Variants in CDH18 observed in about 807,000 individuals in gnomAD.
CDH18 encodes cadherin-18.
In CDH18, 31 loss-of-function variants were observed where a neutral mutation model predicts 67.9. The observed-to-expected ratio is 0.46, with a 90% CI of 0.34 to 0.62. The LOEUF (loss-of-function observed/expected upper bound fraction) is 0.62, where lower values mean the gene tolerates loss of function less well. Among genes scored for constraint, CDH18 ranks in the 20% least tolerant of loss-of-function variants. The probability of loss-of-function intolerance (pLI) is 0.01; values close to 1 mark genes in which losing one functional copy is unlikely to be tolerated. For missense variants in CDH18, 890 were observed against 975.5 expected (o/e 0.91, Z 1.17); for synonymous variants, 362 against 347.2 (o/e 1.04, Z -0.48).
chr5:19,824,593 G>C (rs1209433258), intron 3 of CDH18, among the ~76,000 whole-genome samples: 1 of 152,164 alleles, frequency 6.6e-6, no homozygotes, highest in Non-Finnish European at 1.5e-5. Context: ...GGGTCCCAAA[G>C]CAGATGAGCA....
At chr5:20,385,289 C>A (rs1295905742) in intron 1 of CDH18, among the ~76,000 whole-genome samples, 1 of 152,146 alleles carries the variant, frequency 6.6e-6, no homozygotes, top group East Asian at 1.9e-4. Context: ...TGGACAAACT[C>A]TTTAGAGAGA....
chr5:19,480,101 G>GCAA, intron 12 of CDH18, among the ~76,000 whole-genome samples: 1 of 151,998 alleles, frequency 6.6e-6, no homozygotes, highest in South Asian at 2.1e-4. Context: ...AAAATTTGAA[G>GCAA]ATAACATGCT....
intron 2 of CDH18, among the ~76,000 whole-genome samples, chr5:20,012,372 C>A (rs1425137808): frequency 1.0e-3 from 119 of 115,984 alleles, no homozygotes; most frequent in Admixed American, 1.7e-3. Flanking sequence ...TTATCTTGTT[C>A]AAAAAAAAAA....
At chr5:20,457,735 C>T (rs1460751047) in intron 1 of CDH18, among the ~76,000 whole-genome samples, 1 of 152,094 alleles carries the variant, frequency 6.6e-6, no homozygotes, top group Non-Finnish European at 1.5e-5. Flanking sequence ...TTACTATAAA[C>T]AATGCCTTAA....
intron 1 of CDH18, among the ~76,000 whole-genome samples, chr5:20,348,509 A>G (rs1392765181): frequency 1.3e-5 from 2 of 152,162 alleles, no homozygotes; most frequent in African/African-American, 4.8e-5. Flanking sequence ...TGTGGAGGAA[A>G]ATAATTTGTT....
At chr5:19,823,180 C>G (rs1027883147) in intron 3 of CDH18, among the ~76,000 whole-genome samples, 1 of 151,990 alleles carries the variant, frequency 6.6e-6, no homozygotes, top group Non-Finnish European at 1.5e-5. Context: ...TGTTCAAACA[C>G]ACATGCTCTA....
At position 19,907,233 on chromosome 5, in the gene CDH18, T is replaced by C. The variant is rs1293657316; in HGVS notation, c.-256-67991A>G. Among the ~76,000 whole-genome samples, 11 of 152,038 alleles carry C rather than the reference T, an allele frequency of 7.2e-5. No individual in the cohort carries two copies. The East Asian group carries it at 2.1e-3, about 29-fold the overall frequency. On this transcript the variant is annotated intron_variant, in intron 2 of 12. Coordinates refer to ENST00000382275, the MANE Select transcript of CDH18 (RefSeq NM_004934.5). ...TGTCTATCAAACCCGTGTCTGTAGA[T>C]TGACAAACAATACACTTTGCACTTG...
intron 1 of CDH18, among the ~76,000 whole-genome samples, chr5:20,449,130 C>G (rs541240062): frequency 6.6e-6 from 1 of 152,234 alleles, no homozygotes; most frequent in South Asian, 2.1e-4. Context: ...TTGGAACTTA[C>G]ATCAACTTAG....
chr5:20,023,676 A>C (rs1313728595), intron 2 of CDH18, among the ~76,000 whole-genome samples: 1 of 151,848 alleles, frequency 6.6e-6, no homozygotes. Context: ...AAAAAAAAAA[A>C]AAGAAAGGTA....
At chr5:19,784,813 T>C (rs1775522305) in intron 3 of CDH18, among the ~76,000 whole-genome samples, 3 of 152,164 alleles carry the variant, frequency 2.0e-5, no homozygotes, top group Non-Finnish European at 4.4e-5. Flanking sequence ...TTACCATCTA[T>C]TCTCTATGAA....
chr5:19,540,944 C>G (rs756122527), intron 9 of CDH18, among the ~76,000 whole-genome samples: 1 of 152,102 alleles, frequency 6.6e-6, no homozygotes, highest in East Asian at 1.9e-4. Flanking sequence ...GCAGCAGGCT[C>G]GAATTTCTTC....
At chr5:20,156,221 C>T (rs570417052) in intron 2 of CDH18, among the ~76,000 whole-genome samples, 1 of 152,176 alleles carries the variant, frequency 6.6e-6, no homozygotes, top group Admixed American at 6.6e-5. Context: ...AACCAGCTAT[C>T]CTGTACTGGG....
At chr5:20,262,458 T>C (rs557481944) in intron 1 of CDH18, among the ~76,000 whole-genome samples, 2 of 152,328 alleles carry the variant, frequency 1.3e-5, no homozygotes, top group Non-Finnish European at 2.9e-5. Context: ...TCAGGTTTTA[T>C]GTTGTTCTTC....
chr5:19,685,400 C>G (rs1580861027), intron 5 of CDH18, among the ~76,000 whole-genome samples: 1 of 152,226 alleles, frequency 6.6e-6, no homozygotes, highest in African/African-American at 2.4e-5. Flanking sequence ...TCCAAAGTCA[C>G]TCTGTACAGG....
chr5:20,017,752 G>A (rs756480742), intron 2 of CDH18, among the ~76,000 whole-genome samples: 3 of 152,120 alleles, frequency 2.0e-5, no homozygotes, highest in Non-Finnish European at 4.4e-5. Flanking sequence ...GCCATATAAT[G>A]TAAATCAGAA....
chr5:20,208,287 A>G (rs1740070970), intron 2 of CDH18, among the ~76,000 whole-genome samples: 1 of 152,056 alleles, frequency 6.6e-6, no homozygotes, highest in Non-Finnish European at 1.5e-5. Context: ...TCCCTCCATC[A>G]CTATCATGAG....
chr5:20,526,910 T>G (rs1056474973), intron 1 of CDH18, among the ~76,000 whole-genome samples: 1 of 151,984 alleles, frequency 6.6e-6, no homozygotes, highest in Non-Finnish European at 1.5e-5. Flanking sequence ...GGCACAGAAC[T>G]GGGCTGAAGC....
chr5:20,501,569 A>ATATATATATATT (rs1491455085), intron 1 of CDH18, among the ~76,000 whole-genome samples: 4 of 16,188 alleles, frequency 2.5e-4, no homozygotes, highest in Non-Finnish European at 5.9e-4. Flanking sequence ...ATATATATAT[A>ATATATATATATT]ATATATATAT....
intron 2 of CDH18, among the ~76,000 whole-genome samples, chr5:20,100,558 A>C (rs1433866670): frequency 3.3e-5 from 5 of 152,184 alleles, no homozygotes; most frequent in Admixed American, 2.6e-4. Flanking sequence ...CATTGTGTAC[A>C]TTGATTTTAT....
Sources: allele counts gnomAD v4.1 joint callset (sites outside exome capture counted in the v4.1 genomes callset), GRCh38; gene constraint gnomAD v4.1.1; transcripts MANE v1.5; gene names NCBI Gene and HGNC (gene_info 2026-07-23, HGNC 2026-07-21).